Variants in RTL4 observed in about 807,000 individuals in gnomAD.
The protein encoded by RTL4 is retrotransposon Gag-like protein 4.
RTL4 carries 4 observed loss-of-function variants against 5.3 expected under a neutral mutation model. The observed-to-expected ratio is 0.75, with a 90% CI of 0.37 to 1.72. RTL4 has a LOEUF of 1.72. Ranked by LOEUF, RTL4 falls within the 40% of genes most tolerant of loss-of-function variation. The pLI is 0.04. For missense variants in RTL4, 260 were observed against 227.1 expected (o/e 1.14, Z -0.93); for synonymous variants, 98 against 87.3 (o/e 1.12, Z -0.68).
At chrX:112,148,938 G>A in the RTL4 span, among the ~76,000 whole-genome samples, 1 of 111,657 alleles carries the variant, frequency 9.0e-6, no homozygotes, top group Admixed American at 9.5e-5. Flanking sequence ...CTCAGGTAGA[G>A]GGAGTGGGTG....
At chrX:112,106,451 A>T in the RTL4 span, among the ~76,000 whole-genome samples, 5 of 112,073 alleles carry the variant, frequency 4.5e-5, no homozygotes, top group Non-Finnish European at 7.5e-5. Flanking sequence ...TGTAGCAGTG[A>T]TGCTACCATA....
At chrX:112,299,143 G>A in the RTL4 span, among the ~76,000 whole-genome samples, 6 of 111,221 alleles carry the variant, frequency 5.4e-5, no homozygotes, top group South Asian at 8.0e-4. Context: ...ACATTGTGGC[G>A]TACTGACGTG....
chrX:112,193,042 G>C, the RTL4 span, among the ~76,000 whole-genome samples: 1 of 111,516 alleles, frequency 9.0e-6, no homozygotes, highest in Non-Finnish European at 1.9e-5. Context: ...TGGTTGACAG[G>C]TTTTTTATTC....
the RTL4 span, among the ~76,000 whole-genome samples, chrX:112,169,366 G>A: frequency 2.0e-4 from 22 of 110,133 alleles, no homozygotes; most frequent in East Asian, 3.2e-3. Context: ...CACCCGCCTC[G>A]GCCTCCCAAA....
the RTL4 span, among the ~76,000 whole-genome samples, chrX:112,202,857 G>T: frequency 1.8e-5 from 2 of 111,367 alleles, no homozygotes; most frequent in East Asian, 5.6e-4. Context: ...GTTTTCCAGA[G>T]TGATTGTACC....
chrX:112,180,500 G>A, the RTL4 span, among the ~76,000 whole-genome samples: 106 of 112,053 alleles, frequency 9.5e-4, no homozygotes, highest in Non-Finnish European at 1.7e-3. Context: ...CCACTTACAA[G>A]GGGTTAGTTA....
At chrX:112,362,236 C>G in the RTL4 span, among the ~76,000 whole-genome samples, 4 of 112,020 alleles carry the variant, frequency 3.6e-5, no homozygotes, top group East Asian at 2.8e-4. Context: ...GCTCTTGCTA[C>G]TCTTCTGGAT....
At chrX:112,379,745 T>G in the RTL4 span, among the ~76,000 whole-genome samples, 20 of 112,117 alleles carry the variant, frequency 1.8e-4, 2 homozygotes, top group South Asian at 5.1e-3. Context: ...ATCACACTTT[T>G]TATGCATCTA....
chrX:112,124,487 A>T, the RTL4 span, among the ~76,000 whole-genome samples: 1 of 112,193 alleles, frequency 8.9e-6, no homozygotes, highest in African/African-American at 3.2e-5. Context: ...AATATTATGC[A>T]ACCATAAAAT....
chrX:112,116,008 C>T, the RTL4 span, among the ~76,000 whole-genome samples: 2 of 111,631 alleles, frequency 1.8e-5, no homozygotes, highest in South Asian at 7.5e-4. Context: ...TTGGCTCAGC[C>T]CAGAAGTACA....
the RTL4 span, among the ~76,000 whole-genome samples, chrX:112,332,158 T>TA: frequency 5.5e-4 from 51 of 92,956 alleles, no homozygotes; most frequent in Non-Finnish European, 7.4e-4. Flanking sequence ...TAAAGTACAA[T>TA]AAAAAAAAAA....
chrX:112,214,852 G>A, the RTL4 span, among the ~76,000 whole-genome samples: 3 of 109,830 alleles, frequency 2.7e-5, no homozygotes, highest in South Asian at 3.9e-4. Context: ...ACAGTGGTGC[G>A]ATCTTGGCTC....
chrX:112,130,491 T>A, the RTL4 span, among the ~76,000 whole-genome samples: 6 of 110,434 alleles, frequency 5.4e-5, no homozygotes, highest in African/African-American at 1.6e-4. Flanking sequence ...GTTGGTAGGT[T>A]GTGAATGCAT....
At chrX:112,232,995 A>G in the RTL4 span, among the ~76,000 whole-genome samples, 9 of 111,628 alleles carry the variant, frequency 8.1e-5, no homozygotes, top group African/African-American at 2.6e-4. Flanking sequence ...AAGGATGTTC[A>G]GCCAGTGACA....
the RTL4 span, among the ~76,000 whole-genome samples, chrX:112,212,974 A>G: frequency 3.6e-5 from 4 of 112,401 alleles, no homozygotes; most frequent in Non-Finnish European, 7.5e-5. Context: ...TTAGACACCA[A>G]ATAACCCTGG....
the RTL4 span, among the ~76,000 whole-genome samples, chrX:112,349,539 T>G: frequency 9.4e-6 from 1 of 105,942 alleles, no homozygotes; most frequent in African/African-American, 3.5e-5. Flanking sequence ...TTTATTTCAT[T>G]GAGCAGTGGT....
At chrX:112,263,423 C>T in the RTL4 span, among the ~76,000 whole-genome samples, 1 of 111,032 alleles carries the variant, frequency 9.0e-6, no homozygotes, top group African/African-American at 3.3e-5. Context: ...TAGAAGAAGA[C>T]TTCAAAGAAG....
At chrX:112,238,675 C>T in the RTL4 span, among the ~76,000 whole-genome samples, 10 of 111,326 alleles carry the variant, frequency 9.0e-5, no homozygotes, top group Non-Finnish European at 1.7e-4. Context: ...TGAGGAACAA[C>T]ACAACAGTGA....
the RTL4 span, among the ~76,000 whole-genome samples, chrX:112,173,200 G>GA: frequency 9.0e-6 from 1 of 110,966 alleles, no homozygotes; most frequent in Non-Finnish European, 1.9e-5. Context: ...AAGTTCTCAA[G>GA]AAAAAACAAA....
Sources: allele counts gnomAD v4.1 joint callset (sites outside exome capture counted in the v4.1 genomes callset), GRCh38; gene constraint gnomAD v4.1.1; transcripts MANE v1.5; gene names NCBI Gene and HGNC (gene_info 2026-07-23, HGNC 2026-07-21).